The following WASHC5 variants were observed in gnomAD, a reference collection of about 807,000 sequenced individuals.
WASHC5 encodes the protein WASH complex subunit strumpellin.
WASHC5 carries 101 observed loss-of-function variants against 150.4 expected under a neutral mutation model. The observed-to-expected ratio is 0.67, with a 90% confidence interval of 0.57 to 0.79. The LOEUF (loss-of-function observed/expected upper bound fraction) is 0.79, where lower values mean the gene tolerates loss of function less well. Among genes scored for constraint, WASHC5 ranks in the 30% least tolerant of loss-of-function variants. The pLI is 0.00. For missense variants in WASHC5, 1,195 were observed against 1,396.3 expected, an observed-to-expected ratio of 0.86 and a Z score of 2.30; for synonymous variants, 467 against 491.2, an observed-to-expected ratio of 0.95 and a Z score of 0.65.
chr8:125,044,163 T>A, intron 21 of WASHC5, 69 bp from the exon 22 acceptor site: 1 of 1,026,772 alleles, frequency 9.7e-7, no homozygotes, highest in Non-Finnish European at 1.5e-6. Flanking sequence ...TCCAGTTACC[T>A]AAAATGCTAT....
chr8:125,031,796 G>A (rs914179537), intron 27 of WASHC5, among the ~76,000 whole-genome samples: 4 of 152,160 alleles, frequency 2.6e-5, no homozygotes, highest in Non-Finnish European at 4.4e-5. Flanking sequence ...AGCAACTCTT[G>A]TGAAATTTGC....
At chr8:125,055,739 GA>G (rs1586358425) in intron 16 of WASHC5, 68 bp from the exon 17 acceptor site, 1 of 984,640 alleles carries the variant, frequency 1.0e-6, no homozygotes. Context: ...AAGATAACAG[GA>G]AAAGAACTTG....
intron 11 of WASHC5, among the ~76,000 whole-genome samples, chr8:125,061,727 A>T (rs1310824712): frequency 6.6e-6 from 1 of 152,208 alleles, no homozygotes; most frequent in African/African-American, 2.4e-5. Context: ...TGCCATTTGC[A>T]CTTAGGAACC....
chr8:125,062,540 A>G (rs1315395922), intron 11 of WASHC5, among the ~76,000 whole-genome samples: 1 of 152,188 alleles, frequency 6.6e-6, no homozygotes, highest in East Asian at 1.9e-4. Flanking sequence ...TTCAGGTTTC[A>G]TATCACAATA....
intron 1 of WASHC5, among the ~76,000 whole-genome samples, chr8:125,088,716 T>C (rs555769891): frequency 6.6e-6 from 1 of 152,194 alleles, no homozygotes; most frequent in Non-Finnish European, 1.5e-5. Context: ...CTGACTGCAA[T>C]GTTCTAAAAG....
intron 9 of WASHC5, among the ~76,000 whole-genome samples, chr8:125,072,352 T>TG (rs796298078): frequency 0.035 from 586 of 16,812 alleles, 20 homozygotes; most frequent in Non-Finnish European, 0.042. Flanking sequence ...AAAAAAAAAG[T>TG]GGGGGGGGGG....
At chr8:125,052,516 A>C (rs1476091381) in intron 17 of WASHC5, among the ~76,000 whole-genome samples, 2 of 152,074 alleles carry the variant, frequency 1.3e-5, no homozygotes, top group Non-Finnish European at 2.9e-5. Flanking sequence ...AAATGGGATC[A>C]TATACATGTA....
intron 1 of WASHC5, among the ~76,000 whole-genome samples, chr8:125,087,153 T>TTAAACAGCATGTCAA (rs1372547444): frequency 6.6e-6 from 1 of 152,096 alleles, no homozygotes; most frequent in Admixed American, 6.6e-5. Flanking sequence ...AGTTGTCAAT[T>TTAAACAGCATGTCAA]TAAACAGCAT....
chr8:125,026,228 T>C (rs1235320716), intron 28 of WASHC5, among the ~76,000 whole-genome samples: 1 of 152,216 alleles, frequency 6.6e-6, no homozygotes, highest in Non-Finnish European at 1.5e-5. Context: ...GTCATTTCTA[T>C]TTTCTTGAAA....
Position 125,083,906 on chromosome 8 carries a change from C to T in WASHC5, c.-8G>A, listed in dbSNP as rs776534136. On this transcript the variant is annotated 5_prime_UTR_variant, in exon 2 of 29. Transcript: ENST00000318410. ...GGCTAGAAAGTCCAACATTGTGAGG[C>T]GGACCGACTACTCTGTGCCTGGACA... 9.3e-6 allele frequency: 15 copies of T among 1,612,722 alleles called. No individual in the cohort carries two copies. Among genetic ancestry groups the T allele is most frequent in the East Asian group, 2.2e-5 (1 of 44,844 alleles).
In WASHC5 at chr8:125,061,336, A is replaced by G. The variant is rs1357704008; in HGVS notation, c.1409-142T>C. 1.0e-5 allele frequency: 6 copies of G among 598,378 alleles called. No individual in the cohort carries two copies. The Admixed American group carries it at 1.6e-4, about 16-fold the overall frequency. 37.1% of individuals were successfully genotyped at this position (598,378 alleles called of 1,614,324 possible). On this transcript the variant is annotated intron_variant, in intron 11 of 28. Coordinates refer to ENST00000318410, the MANE Select transcript of WASHC5 (RefSeq NM_014846.4). ...AACACTAGGAATTTTCCAAACGACA[A>G]AAATGCCTGGAGCATGCGACATAGT...
intron 26 of WASHC5, among the ~76,000 whole-genome samples, chr8:125,033,889 A>C (rs1815617217): frequency 6.6e-6 from 1 of 152,160 alleles, no homozygotes; most frequent in South Asian, 2.1e-4. Context: ...AATAATTATA[A>C]AGGAAAAAAA....
At chr8:125,033,394 T>C (rs1021187177) in intron 26 of WASHC5, among the ~76,000 whole-genome samples, 4 of 152,258 alleles carry the variant, frequency 2.6e-5, no homozygotes, top group African/African-American at 9.6e-5. Context: ...TGAAACTGGA[T>C]AGTCTTATGG....
intron 12 of WASHC5, 139 bp downstream of exon 12, chr8:125,060,943 A>T: frequency 1.5e-6 from 1 of 660,700 alleles, no homozygotes; most frequent in Non-Finnish European, 2.8e-6. Context: ...AGTATACGTT[A>T]CAGGAAACAT....
rs746336406 is a variant in WASHC5 at position 125,024,620 on chromosome 8, C to A, written c.3477G>T (p.Leu1159=). 2 of 1,603,840 alleles carry A rather than the reference C, an allele frequency of 1.2e-6. No individual in the cohort carries two copies. Among genetic ancestry groups the A allele is most frequent in the South Asian group, 2.2e-5 (2 of 90,868 alleles). Residue 1159 remains leucine (L), a synonymous_variant, in exon 29 of 29, where the codon CTG becomes CTT. Transcript: ENST00000318410. ...ATTGAAGAAGTAGGAAAAACAGTTA[C>A]AGCACTGTTCTGAACTCATCAAAAA... ...NFIFDEFRTV[L] is the part of the protein sequence containing the mutation.
intron 17 of WASHC5, among the ~76,000 whole-genome samples, chr8:125,054,793 T>C (rs188284963): frequency 9.2e-4 from 138 of 149,482 alleles, no homozygotes; most frequent in African/African-American, 3.1e-3. Flanking sequence ...CACTCTAGCC[T>C]GGATGACAGA....
chr8:125,073,461 G>C lies in WASHC5; in HGVS notation c.979-137C>G, dbSNP rs545440743. On this transcript the variant is annotated intron_variant, in intron 8 of 28. Coordinates refer to ENST00000318410, the MANE Select transcript of WASHC5 (RefSeq NM_014846.4). ...CATATGGATTACAGTTATAGGGCTC[G>C]AAGATAACATTTCTATAAGATGAAT... 6 of 767,514 alleles carry C rather than the reference G, an allele frequency of 7.8e-6. No homozygotes were observed. In the African/African-American group the frequency reaches 1.0e-4, roughly 13 times the overall value. The allele number at this position is 767,514 out of a possible 1,614,324, so 47.5% of individuals were successfully genotyped here.
At chr8:125,056,467 G>A (rs531646644) in intron 16 of WASHC5, among the ~76,000 whole-genome samples, 8 of 152,266 alleles carry the variant, frequency 5.3e-5, no homozygotes, top group African/African-American at 1.7e-4. Context: ...ATACTGAGGC[G>A]AACAAGGCCT....
intron 20 of WASHC5, among the ~76,000 whole-genome samples, chr8:125,045,193 C>A (rs1816025964): frequency 1.3e-5 from 2 of 152,214 alleles, no homozygotes; most frequent in Non-Finnish European, 2.9e-5. Flanking sequence ...GTTCCTTAAA[C>A]TTGTAGATGC....
Sources: allele counts gnomAD v4.1 joint callset (sites outside exome capture counted in the v4.1 genomes callset), GRCh38; gene constraint gnomAD v4.1.1; transcripts MANE v1.5; gene names NCBI Gene and HGNC (gene_info 2026-07-23, HGNC 2026-07-21).